Variants in SLC4A10 observed in about 807,000 individuals in gnomAD.
The protein encoded by SLC4A10 is solute carrier family 4 member 10.
In SLC4A10, 42 loss-of-function variants were observed where a neutral mutation model predicts 137.7. The ratio of observed to expected loss-of-function variants is 0.30; its 90% CI spans 0.24 to 0.39. The LOEUF is 0.39. Ranked by LOEUF, SLC4A10 falls within the 10% of genes least tolerant of loss-of-function variation. SLC4A10 has a pLI of 1.00. For missense variants in SLC4A10, 925 were observed against 1,355.0 expected, an observed-to-expected ratio of 0.68 and a Z score of 4.98; for synonymous variants, 474 against 464.1, an observed-to-expected ratio of 1.02 and a Z score of -0.27.
At chr2:161,787,978 T>G (rs1171991629) in intron 2 of SLC4A10, among the ~76,000 whole-genome samples, 1 of 152,168 alleles carries the variant, frequency 6.6e-6, no homozygotes, top group Non-Finnish European at 1.5e-5. Context: ...CACTCTGTCT[T>G]TTTGTACCAC....
intron 1 of SLC4A10, among the ~76,000 whole-genome samples, chr2:161,750,388 A>G (rs1451356343): frequency 6.7e-6 from 1 of 150,352 alleles, no homozygotes; most frequent in Non-Finnish European, 1.5e-5. Flanking sequence ...ATTGTTATTA[A>G]TTTCTCTCTT....
At chr2:161,907,185 C>G (rs1182476025) in intron 15 of SLC4A10, among the ~76,000 whole-genome samples, 2 of 148,806 alleles carry the variant, frequency 1.3e-5, no homozygotes, top group Admixed American at 6.7e-5. Context: ...TATTTTTGAA[C>G]AAGAAAAATC....
intron 1 of SLC4A10, among the ~76,000 whole-genome samples, chr2:161,692,974 A>G (rs1355780244): frequency 4.6e-5 from 7 of 151,968 alleles, no homozygotes; most frequent in African/African-American, 1.4e-4. Context: ...AAAGGCAGTT[A>G]TTTATTTTCA....
intron 7 of SLC4A10, 98 bp from the exon 8 acceptor site, chr2:161,873,818 A>G: frequency 1.2e-5 from 14 of 1,205,892 alleles, no homozygotes; most frequent in Non-Finnish European, 1.5e-5. Context: ...TGCCTAAATA[A>G]TCTAGATCTA....
At chr2:161,793,492 T>C (rs2054433494) in intron 2 of SLC4A10, among the ~76,000 whole-genome samples, 1 of 151,378 alleles carries the variant, frequency 6.6e-6, no homozygotes, top group South Asian at 2.1e-4. Context: ...TAGTTCTATG[T>C]GTTTGCCTCC....
chr2:161,923,158 T>G lies in SLC4A10; in HGVS notation c.1997+17271T>G, dbSNP rs148445308. On this transcript the variant is annotated intron_variant, in intron 15 of 26. Transcript: ENST00000446997. ...TGGATGAGGGCATTTAATTATAATGTTTATGTAATCACTCTGTAGCCATTT... is the reference window on the plus strand; with the variant it reads ...TGGATGAGGGCATTTAATTATAATGGTTATGTAATCACTCTGTAGCCATTT... Among the ~76,000 whole-genome samples, 93 of 152,324 alleles carry G rather than the reference T, an allele frequency of 6.1e-4. No individual in the cohort carries two copies. The East Asian group carries it at 0.017, about 27-fold the overall frequency.
intron 1 of SLC4A10, among the ~76,000 whole-genome samples, chr2:161,673,675 T>TA (rs921891397): frequency 2.2e-4 from 34 of 152,188 alleles, no homozygotes; most frequent in Admixed American, 1.6e-3. Flanking sequence ...TTAATACATT[T>TA]AAAAAAATGA....
Position 161,872,346 on chromosome 2 carries a change from G to T in SLC4A10, c.820G>T (p.Asp274Tyr), listed in dbSNP as rs1305300252. Reference protein sequence around the residue: ...SAPACVENKNDVSRENSTVDF... With the variant: ...SAPACVENKNYVSRENSTVDF... ...TCCAGCCTGTGTTGAAAATAAAAAT[G>T]ATGTTAGCAGAGAAAACAGCACTGT... is the stretch of plus-strand genomic sequence containing the variant. The change falls in exon 7 of 27, where the codon GAT becomes TAT. Residue 274 changes from aspartate (D) to tyrosine (Y), a missense_variant. This residue lies in a region of SLC4A10 where 277 missense variants were observed against 306.1 expected (regional missense o/e 0.90). Transcript: ENST00000446997. The T allele has an allele frequency of 1.2e-6, 2 of 1,613,624 alleles. No individual in the cohort carries two copies. Among genetic ancestry groups the T allele is most frequent in the Middle Eastern group, 1.7e-4 (1 of 6,058 alleles).
At chr2:161,869,508 T>C (rs540974093) in intron 6 of SLC4A10, among the ~76,000 whole-genome samples, 3 of 151,788 alleles carry the variant, frequency 2.0e-5, no homozygotes, top group East Asian at 3.9e-4. Flanking sequence ...GCTTGAATAT[T>C]GGTTTTATAT....
At chr2:161,678,328 T>G (rs2040482863) in intron 1 of SLC4A10, among the ~76,000 whole-genome samples, 1 of 152,194 alleles carries the variant, frequency 6.6e-6, no homozygotes, top group African/African-American at 2.4e-5. Context: ...TTGGCCATTT[T>G]TGCTATTTAT....
At chr2:161,880,123 G>A (rs1402416904) in intron 9 of SLC4A10, among the ~76,000 whole-genome samples, 1 of 152,062 alleles carries the variant, frequency 6.6e-6, no homozygotes, top group African/African-American at 2.4e-5. Context: ...AATGCAGATA[G>A]CCTTTTACTC....
chr2:161,625,300 TG>T (rs2032082662), intron 1 of SLC4A10, among the ~76,000 whole-genome samples: 1 of 152,090 alleles, frequency 6.6e-6, no homozygotes, highest in African/African-American at 2.4e-5. Context: ...GTGTAAGTGA[TG>T]GATTTGCCTA....
intron 1 of SLC4A10, among the ~76,000 whole-genome samples, chr2:161,718,955 A>C (rs1467991744): frequency 1.3e-5 from 2 of 152,132 alleles, no homozygotes; most frequent in Admixed American, 1.3e-4. Context: ...CACAATGTGC[A>C]GGATAGTTAC....
chr2:161,871,995 A>T (rs111774717), intron 6 of SLC4A10, among the ~76,000 whole-genome samples: 1,999 of 152,274 alleles, frequency 0.013, 20 homozygotes, highest in Non-Finnish European at 0.02. Flanking sequence ...GAAATCAATG[A>T]TGCTTCAAAA....
rs1301711506 is a variant in SLC4A10, at chr2:161,950,829, G to A, written c.2522G>A (p.Arg841Lys). 3 of 1,603,622 alleles carry A rather than the reference G, an allele frequency of 1.9e-6. No homozygotes were observed. The Admixed American group carries it at 5.1e-5, about 27-fold the overall frequency. ...DQQITAVIIN[R>K]KEHKLKKGCG... ...CAGATTACAGCTGTCATCATCAACA[G>A]GAAAGAGCATAAGCTAAAGGTATAT... The change falls in exon 19 of 27, where the codon AGG (arginine) becomes AAG (lysine). Residue 841 changes from arginine to lysine, a missense_variant. Physicochemically the swap from Arg to Lys is conservative, Grantham distance 26. Around this residue, in one of 11 missense-constraint regions of SLC4A10, gnomAD observed 82 missense variants for 151.4 expected, o/e 0.54. Transcript: ENST00000446997.
chr2:161,753,505 T>C lies in SLC4A10; in HGVS notation c.49-17468T>C, dbSNP rs570032795. Among the ~76,000 whole-genome samples, 3 of 152,302 alleles carry C rather than the reference T, an allele frequency of 2.0e-5. No homozygotes were observed. In the South Asian group the frequency reaches 6.2e-4, roughly 32 times the overall value. ...TTCTCCACTTACTGGTTCTATAACC[T>C]TGAGCAAGTTACTCAATCACTCTAA... On this transcript the variant is annotated intron_variant, in intron 1 of 26. Coordinates refer to ENST00000446997, the MANE Select transcript of SLC4A10 (RefSeq NM_001178015.2).
At chr2:161,872,257 T>C (rs2061174735) in intron 6 of SLC4A10, 36 bp from the exon 7 acceptor site, 1 of 1,515,078 alleles carries the variant, frequency 6.6e-7, no homozygotes, top group African/African-American at 1.4e-5. Flanking sequence ...ACTATGTAAG[T>C]AATTGTTTGT....
chr2:161,898,102 C>T (rs1033424839), intron 11 of SLC4A10, among the ~76,000 whole-genome samples: 3 of 152,058 alleles, frequency 2.0e-5, no homozygotes, highest in African/African-American at 7.2e-5. Context: ...CCGAGTTCTG[C>T]AATTATCTAT....
chr2:161,867,865 T>C (rs1433550043), intron 6 of SLC4A10, among the ~76,000 whole-genome samples: 2 of 151,910 alleles, frequency 1.3e-5, no homozygotes. Context: ...CTTGTGTCTG[T>C]CTCTAACAGG....
Sources: gnomAD v4.1 joint callset for allele counts (sites outside exome capture counted in the v4.1 genomes callset) on GRCh38, gnomAD v4.1.1 for gene constraint, gnomAD v4.1.1 regional missense constraint, MANE v1.5 for transcripts, NCBI Gene and HGNC (gene_info 2026-07-23, HGNC 2026-07-21) for gene names.